The following A2ML1 variants were observed in gnomAD, a reference collection of about 807,000 sequenced individuals.
A2ML1 encodes the protein alpha-2-macroglobulin-like protein 1.
A neutral mutation model predicts 181.9 loss-of-function variants in A2ML1; 161 were observed. The observed-to-expected ratio is 0.89, with a 90% confidence interval of 0.78 to 1.01. The LOEUF is 1.01. A2ML1 is among the 50% of genes least tolerant of loss of function. The pLI is 0.00. For synonymous variants in A2ML1, 663 were observed against 666.8 expected, an observed-to-expected ratio of 0.99 and a Z score of 0.09; for missense variants, 1,670 against 1,768.1, an observed-to-expected ratio of 0.94 and a Z score of 1.00.
At chr12:8,838,241 T>G in intron 8 of A2ML1, 95 bp from the exon 9 acceptor site, 1 of 799,550 alleles carries the variant, frequency 1.3e-6, no homozygotes, top group Non-Finnish European at 2.0e-6. Context: ...AGTGTGGAGA[T>G]GAGAAATTAT....
intron 21 of A2ML1, among the ~76,000 whole-genome samples, chr12:8,854,513 C>A (rs1327688386): frequency 1.3e-5 from 2 of 152,160 alleles, no homozygotes; most frequent in East Asian, 3.8e-4. Context: ...CCTTTTTCGT[C>A]CCATCATGAA....
rs201877710 is a variant in A2ML1, at chr12:8,829,781, T to C, written c.462+2T>C. ...AACTTCGTTCCAGTGAATGACAAGG[T>C]GAGTTGGGAGGAGGAGAAGGAGTGG... On this transcript the variant is annotated splice_donor_variant, in intron 4 of 35. Transcript: ENST00000299698. LOFTEE classifies it high-confidence loss of function. 4.3e-6 allele frequency: 7 copies of C among 1,612,250 alleles called. No homozygotes were observed. The African/African-American group carries it at 8.1e-5, about 19-fold the overall frequency.
chr12:8,861,121 T>C lies in A2ML1; in HGVS notation c.3340-14T>C, dbSNP rs757329653. 7 of 1,614,072 alleles carry C rather than the reference T, an allele frequency of 4.3e-6. No homozygotes were observed. The East Asian group carries it at 1.3e-4, about 31-fold the overall frequency. On this transcript the variant is annotated splice_polypyrimidine_tract_variant and intron_variant, in intron 27 of 35. Transcript: ENST00000299698. Reference sequence around the variant, plus strand: ...AATGCCTTATAAGTTATAGTCTTCATCTTCACTTTTTAGGACCCAATGGTG... The same window carrying C: ...AATGCCTTATAAGTTATAGTCTTCACCTTCACTTTTTAGGACCCAATGGTG...
At chr12:8,869,108 T>G (rs1164873896) in intron 32 of A2ML1, 27 bp from the exon 33 acceptor site, 1 of 1,612,358 alleles carries the variant, frequency 6.2e-7, no homozygotes, top group East Asian at 2.2e-5. Context: ...GCTCTTAGTA[T>G]CTTTTTTTTC....
Position 8,835,000 on chromosome 12 carries a change from A to AG in A2ML1, c.483+319dup, listed in dbSNP as rs1278231837. On this transcript the variant is annotated intron_variant, in intron 5 of 35. Transcript: ENST00000299698. Reference sequence around the variant, plus strand: ...CATACTCCCCTTAGTGTAAGGTAATAGCCCTTGCCATAGGCATTCTCAACA... The same window carrying AG: ...CATACTCCCCTTAGTGTAAGGTAATAGGCCCTTGCCATAGGCATTCTCAACA... 11 of 386,290 alleles carry AG rather than the reference A, an allele frequency of 2.8e-5. 1 individual carries two copies. The Admixed American group carries it at 3.4e-4, about 12-fold the overall frequency. The allele number at this position is 386,290 out of a possible 1,614,324, so 23.9% of individuals were successfully genotyped here. A position where few individuals can be genotyped will look rare whatever the true frequency, so the allele number is the denominator to read the frequency against.
Position 8,838,342 on chromosome 12 carries a change from A to G in A2ML1, c.862A>G (p.Lys288Glu). Residue 288 changes from lysine (K) to glutamate (E), a missense_variant, in exon 9 of 36, where the codon AAA becomes GAA. Coordinates refer to ENST00000299698, the MANE Select transcript of A2ML1 (RefSeq NM_144670.6). ...KCRNLSGQTD[K>E]TGCFSAPVDM... ...TCTCTGATCACCTCACTAGACTGACAAAACAGGATGTTTCTCAGCACCTGT... is the reference window on the plus strand; with the variant it reads ...TCTCTGATCACCTCACTAGACTGACGAAACAGGATGTTTCTCAGCACCTGT... The G allele has an allele frequency of 6.2e-7, 1 of 1,612,992 alleles. No individual in the cohort carries two copies. The highest frequency in any genetic ancestry group is 1.7e-4 in the Middle Eastern group (1 of 6,060).
Position 8,851,788 on chromosome 12 carries a change from TC to T in A2ML1, c.2240del (p.Ser747TrpfsTer20). ...TTGGTCCTTGTGTTTTCACAGTAAC[TC>T]GGGGAAGGAGGCGGTCCACGTCACA... Reference protein sequence around the residue: ...WLWDLFPIGNSGKEAVHVTVP... With the variant: ...WLWDLFPIGNXGKEAVHVTVP... On this transcript the variant is annotated frameshift_variant, in exon 19 of 36. Coordinates refer to ENST00000299698, the MANE Select transcript of A2ML1 (RefSeq NM_144670.6). LOFTEE classifies it high-confidence loss of function. 6.2e-7 allele frequency: 1 copy of T among 1,613,968 alleles called. No individual in the cohort carries two copies. Among genetic ancestry groups the T allele is most frequent in the Non-Finnish European group, 8.5e-7 (1 of 1,180,002 alleles).
intron 23 of A2ML1, among the ~76,000 whole-genome samples, chr12:8,856,515 T>G (rs11047620): frequency 0.034 from 5,233 of 152,198 alleles, 316 homozygotes; most frequent in African/African-American, 0.12. Flanking sequence ...TTGGGAAGTA[T>G]ATGAAGGGGT....
chr12:8,887,367 C>G (rs148497438), downstream of A2ML1, among the ~76,000 whole-genome samples: 1 of 152,174 alleles, frequency 6.6e-6, no homozygotes, highest in East Asian at 1.9e-4. Context: ...TATCTCTCCC[C>G]CACATATTTT....
chr12:8,838,935 A>AGC, intron 9 of A2ML1, among the ~76,000 whole-genome samples, 178 bp from the exon 10 acceptor site: 1 of 151,168 alleles, frequency 6.6e-6, no homozygotes, highest in African/African-American at 2.4e-5. Context: ...AAAAAAAAAA[A>AGC]AGAAGAAATA....
At chr12:8,874,572 C>T (rs775416850) in intron 34 of A2ML1, 45 bp downstream of exon 34, 2 of 1,447,506 alleles carry the variant, frequency 1.4e-6, no homozygotes, top group East Asian at 4.6e-5. Flanking sequence ...TTACCTGCAT[C>T]TCCCAACTTA....
At chr12:8,834,915 A>G in intron 5 of A2ML1, 1 of 556,782 alleles carries the variant, frequency 1.8e-6, no homozygotes, top group South Asian at 2.3e-5. Context: ...TGTAATGACT[A>G]CACCGCTCTC....
chr12:8,870,104 T>C (rs1944567626), intron 33 of A2ML1, among the ~76,000 whole-genome samples: 1 of 152,202 alleles, frequency 6.6e-6, no homozygotes, highest in Admixed American at 6.5e-5. Context: ...AAGTTATCCT[T>C]ATTGAATATA....
chr12:8,838,391 T>A lies in A2ML1; in HGVS notation c.911T>A (p.Ile304Asn). 2.5e-6 allele frequency: 4 copies of A among 1,613,884 alleles called. No homozygotes were observed. Among genetic ancestry groups the A allele is most frequent in the Non-Finnish European group, 3.4e-6 (4 of 1,179,900 alleles). ...APVDMATFDL[I>N]GYAYSHQINI... ...GTGGACATGGCCACCTTTGACCTCA[T>A]TGGATATGCGTACAGCCATCAAATC... Residue 304 changes from isoleucine (I) to asparagine (N), a missense_variant, in exon 9 of 36, where the codon ATT becomes AAT. Coordinates refer to ENST00000299698, the MANE Select transcript of A2ML1 (RefSeq NM_144670.6).
downstream of A2ML1, among the ~76,000 whole-genome samples, chr12:8,881,766 C>T (rs987065168): frequency 8.5e-5 from 13 of 152,154 alleles, no homozygotes; most frequent in South Asian, 2.1e-4. Context: ...AATCACAGCA[C>T]TTTGGGAGGC....
At chr12:8,835,390 G>A in intron 5 of A2ML1, 117 bp from the exon 6 acceptor site, 2 of 1,253,064 alleles carry the variant, frequency 1.6e-6, no homozygotes, top group East Asian at 2.4e-5. Context: ...ACAGACCACA[G>A]GGGTCATGAA....
At chr12:8,854,065 G>T in intron 20 of A2ML1, 63 bp from the exon 21 acceptor site, 1 of 1,460,566 alleles carries the variant, frequency 6.8e-7, no homozygotes, top group Non-Finnish European at 9.1e-7. Flanking sequence ...GATCCAAATG[G>T]GAATGGACCT....
chr12:8,864,109 TAGAG>T, intron 29 of A2ML1, 101 bp downstream of exon 29: 1 of 1,070,054 alleles, frequency 9.3e-7, no homozygotes. Context: ...TCCAGGGGCT[TAGAG>T]AGAGGAAAAG....
chr12:8,830,828 T>C (rs748904550), intron 4 of A2ML1: 87 of 152,280 alleles, frequency 5.7e-4, no homozygotes, highest in African/African-American at 2.0e-3. Flanking sequence ...TAGCTTGTTA[T>C]GATTGGTAAT....
Sources: gnomAD v4.1 joint callset for allele counts (sites outside exome capture counted in the v4.1 genomes callset) on GRCh38, gnomAD v4.1.1 for gene constraint, MANE v1.5 for transcripts, NCBI Gene and HGNC (gene_info 2026-07-23, HGNC 2026-07-21) for gene names.